The following LDLRAD4 variants were observed in gnomAD, a reference collection of about 807,000 sequenced individuals.
LDLRAD4 encodes the protein low-density lipoprotein receptor class A domain-containing protein 4.
LDLRAD4 carries 5 observed loss-of-function variants against 17.0 expected under a neutral mutation model. The ratio of observed to expected loss-of-function variants is 0.29; its 90% CI spans 0.15 to 0.62. LDLRAD4 has a LOEUF of 0.62. Among genes scored for constraint, LDLRAD4 ranks in the 20% least tolerant of loss-of-function variants. LDLRAD4 has a pLI of 0.84. For synonymous variants in LDLRAD4, 168 were observed against 171.8 expected, an observed-to-expected ratio of 0.98 and a Z score of 0.17; for missense variants, 340 against 424.7, an observed-to-expected ratio of 0.80 and a Z score of 1.75.
chr18:13,533,505 C>T (rs1019770025), intron 3 of LDLRAD4, among the ~76,000 whole-genome samples: 4 of 152,034 alleles, frequency 2.6e-5, no homozygotes, highest in Non-Finnish European at 4.4e-5. Context: ...TTGCATTAAC[C>T]GTAACATTTT....
At chr18:13,573,224 C>T (rs534838505) in intron 3 of LDLRAD4, among the ~76,000 whole-genome samples, 19 of 152,336 alleles carry the variant, frequency 1.2e-4, no homozygotes, top group Non-Finnish European at 2.1e-4. Context: ...TTTGCCTCAG[C>T]CTCTTAAGTA....
At chr18:13,636,775 C>T (rs1405622647) in intron 4 of LDLRAD4, among the ~76,000 whole-genome samples, 5 of 150,320 alleles carry the variant, frequency 3.3e-5, no homozygotes, top group Admixed American at 3.3e-4. Flanking sequence ...GCTGGGATCA[C>T]AAGCGTAAAC....
At chr18:13,302,564 C>A (rs1002058160) in intron 1 of LDLRAD4, among the ~76,000 whole-genome samples, 12 of 152,172 alleles carry the variant, frequency 7.9e-5, no homozygotes, top group African/African-American at 2.4e-4. Context: ...TAAATACTTA[C>A]TGATGTGCAT....
At chr18:13,566,367 CTT>C (rs11462818) in intron 3 of LDLRAD4, among the ~76,000 whole-genome samples, 2 of 143,494 alleles carry the variant, frequency 1.4e-5, no homozygotes, top group African/African-American at 2.6e-5. Context: ...ATGCCTTAGA[CTT>C]TTTTTTTTTT....
At chr18:13,547,210 T>G (rs2094377916) in intron 3 of LDLRAD4, among the ~76,000 whole-genome samples, 2 of 152,240 alleles carry the variant, frequency 1.3e-5, no homozygotes, top group Non-Finnish European at 2.9e-5. Context: ...CGTCATTTAC[T>G]CGAGTAGCAT....
intron 3 of LDLRAD4, among the ~76,000 whole-genome samples, chr18:13,534,554 A>G (rs1451944094): frequency 6.6e-6 from 1 of 150,644 alleles, no homozygotes; most frequent in African/African-American, 2.4e-5. Context: ...GCTAAAAAGA[A>G]AAAAAAAAAG....
intron 3 of LDLRAD4, among the ~76,000 whole-genome samples, chr18:13,553,530 G>A (rs141966217): frequency 1.1e-4 from 16 of 152,150 alleles, no homozygotes; most frequent in East Asian, 1.9e-4. Context: ...AATTATTTGC[G>A]TGATTTGAAA....
chr18:13,350,146 A>C (rs2082955678), intron 1 of LDLRAD4, among the ~76,000 whole-genome samples: 2 of 152,220 alleles, frequency 1.3e-5, no homozygotes, highest in African/African-American at 4.8e-5. Flanking sequence ...GTATATACCT[A>C]GTAATGGGAC....
intron 3 of LDLRAD4, among the ~76,000 whole-genome samples, chr18:13,582,324 C>T (rs2094872720): frequency 1.3e-5 from 2 of 152,252 alleles, no homozygotes; most frequent in South Asian, 4.1e-4. Flanking sequence ...TCTGTGTGCA[C>T]TGTGCTGGAC....
chr18:13,387,512 G>A lies in LDLRAD4; in HGVS notation c.-211G>A, dbSNP rs1038295583. On this transcript the variant is annotated 5_prime_UTR_variant, in exon 2 of 6. Transcript: ENST00000359446. ...TCCGCGCCCTGGCTGGACGGCTGAC[G>A]GGAGCAGGGACCGCCGCCGCCCAGG... 1.0e-4 allele frequency: 51 copies of A among 508,164 alleles called. No individual in the cohort carries two copies. In the East Asian group the frequency reaches 1.2e-3, roughly 12 times the overall value. 31.5% of individuals were successfully genotyped at this position (508,164 alleles called of 1,614,324 possible). A position where few individuals can be genotyped will look rare whatever the true frequency, so the allele number is the denominator to read the frequency against.
At chr18:13,503,370 G>A (rs545274124) in intron 3 of LDLRAD4, among the ~76,000 whole-genome samples, 2 of 152,234 alleles carry the variant, frequency 1.3e-5, no homozygotes, top group Non-Finnish European at 2.9e-5. Flanking sequence ...AGCCGGCAGC[G>A]TGGTCCCTGC....
intron 1 of LDLRAD4, chr18:13,234,905 G>A (rs1456137145): frequency 6.6e-6 from 1 of 152,028 alleles, no homozygotes; most frequent in Non-Finnish European, 1.5e-5. Context: ...ATACATTTTG[G>A]ATAAATTAGT....
intron 3 of LDLRAD4, among the ~76,000 whole-genome samples, chr18:13,525,280 C>T (rs1274911315): frequency 2.0e-5 from 3 of 152,202 alleles, no homozygotes; most frequent in Non-Finnish European, 4.4e-5. Flanking sequence ...TGACCTTAAG[C>T]TCTCTGTTTT....
At chr18:13,529,375 CTGTAAGCTACCTGG>C (rs2094091203) in intron 3 of LDLRAD4, among the ~76,000 whole-genome samples, 1 of 152,204 alleles carries the variant, frequency 6.6e-6, no homozygotes, top group Non-Finnish European at 1.5e-5. Flanking sequence ...GTGGTGATGA[CTGTAAGCTACCTGG>C]AACACTGATG....
rs113926988 is a variant in LDLRAD4, at chr18:13,395,401, GCA to G, written c.40+7642_40+7643del. Among the ~76,000 whole-genome samples the G allele has an allele frequency of 6.1e-3, 692 of 114,312 alleles. 10 individuals carry two copies. The highest frequency in any genetic ancestry group is 0.022 in the African/African-American group (607 of 27,886). The allele number at this position is 114,312 out of a possible 152,430, so 75.0% of individuals were successfully genotyped here. ...TACAGTCTGAGTGTCATCACGATCT[GCA>G]CAGTTAGCTGCCATAGCTCTGATGA... On this transcript the variant is annotated intron_variant, in intron 2 of 5. Coordinates refer to ENST00000359446, the Ensembl canonical transcript of LDLRAD4.
intron 3 of LDLRAD4, chr18:13,491,612 T>C (rs2093359800): frequency 1.3e-5 from 2 of 152,250 alleles, no homozygotes; most frequent in African/African-American, 4.8e-5. Context: ...GTAAGCTATA[T>C]TGAAGATGCT....
At chr18:13,431,028 T>G (rs2090301334) in intron 2 of LDLRAD4, among the ~76,000 whole-genome samples, 1 of 152,248 alleles carries the variant, frequency 6.6e-6, no homozygotes, top group Non-Finnish European at 1.5e-5. Context: ...AGGTACTTTA[T>G]TAGTGCCTTT....
At chr18:13,271,504 A>G in intron 1 of LDLRAD4, among the ~76,000 whole-genome samples, 1 of 152,284 alleles carries the variant, frequency 6.6e-6, no homozygotes, top group South Asian at 2.1e-4. Context: ...GCTACCAATG[A>G]AGACCAAAGA....
At chr18:13,356,194 G>C (rs1208473612) in intron 1 of LDLRAD4, among the ~76,000 whole-genome samples, 1 of 152,242 alleles carries the variant, frequency 6.6e-6, no homozygotes, top group African/African-American at 2.4e-5. Flanking sequence ...CTGGCTGCCT[G>C]AGAGTGCTGG....
Sources: gnomAD v4.1 joint callset for allele counts (sites outside exome capture counted in the v4.1 genomes callset) on GRCh38, gnomAD v4.1.1 for gene constraint, MANE v1.5 for transcripts, NCBI Gene and HGNC (gene_info 2026-07-23, HGNC 2026-07-21) for gene names.